UNC13C: variants seen among roughly 807,000 people sequenced by gnomAD.
UNC13C encodes unc-13 homolog C.
In UNC13C, 174 loss-of-function variants were observed where a neutral mutation model predicts 245.4. The observed-to-expected ratio is 0.71, with a 90% CI of 0.63 to 0.80. UNC13C has a LOEUF of 0.80. UNC13C is among the 30% of genes least tolerant of loss of function. The probability of loss-of-function intolerance (pLI) is 0.00; values close to 1 mark genes in which losing one functional copy is unlikely to be tolerated. For synonymous variants in UNC13C, 992 were observed against 895.1 expected (o/e 1.11, Z -1.93); for missense variants, 2,829 against 2,602.9 (o/e 1.09, Z -1.89).
At chr15:54,294,486 C>T (rs895502670) in intron 11 of UNC13C, among the ~76,000 whole-genome samples, 5 of 151,990 alleles carry the variant, frequency 3.3e-5, no homozygotes, top group South Asian at 2.1e-4. Context: ...TTTCAAATGA[C>T]GGTATAACAG....
intron 30 of UNC13C, among the ~76,000 whole-genome samples, chr15:54,582,445 A>G (rs1898242059): frequency 6.6e-6 from 1 of 152,200 alleles, no homozygotes; most frequent in African/African-American, 2.4e-5. Context: ...TTCTGCAGCT[A>G]AATTCAGGAG....
chr15:53,899,369 C>G, the UNC13C span, among the ~76,000 whole-genome samples: 31,498 of 152,174 alleles, frequency 0.21, 3,485 homozygotes, highest in Non-Finnish European at 0.24. Flanking sequence ...CTCTTTGTCT[C>G]AAATCGCTTC....
intron 30 of UNC13C, among the ~76,000 whole-genome samples, chr15:54,613,567 A>G (rs1900241059): frequency 6.6e-6 from 1 of 151,952 alleles, no homozygotes; most frequent in Admixed American, 6.6e-5. Flanking sequence ...CCATAAACCG[A>G]GTATAAAGAC....
chr15:54,214,052 T>C (rs780949092), intron 4 of UNC13C, among the ~76,000 whole-genome samples: 3 of 152,040 alleles, frequency 2.0e-5, no homozygotes, highest in Non-Finnish European at 2.9e-5. Flanking sequence ...CCTGTGTGGA[T>C]CAATTGGAAT....
chr15:54,234,065 A>G (rs1596054859), intron 4 of UNC13C, among the ~76,000 whole-genome samples: 2 of 152,194 alleles, frequency 1.3e-5, no homozygotes. Flanking sequence ...GCAAAATAAT[A>G]CATGCCTATT....
intron 4 of UNC13C, among the ~76,000 whole-genome samples, chr15:54,176,879 A>T (rs1408474948): frequency 6.6e-6 from 1 of 152,144 alleles, no homozygotes; most frequent in African/African-American, 2.4e-5. Context: ...CTATAAAAGA[A>T]ACATAAATGC....
chr15:54,415,254 T>G (rs955213219), intron 19 of UNC13C, among the ~76,000 whole-genome samples, 187 bp downstream of exon 19: 3 of 152,100 alleles, frequency 2.0e-5, no homozygotes, highest in Non-Finnish European at 1.5e-5. Flanking sequence ...CCTAAAGAAG[T>G]ATATACATTT....
intron 17 of UNC13C, among the ~76,000 whole-genome samples, chr15:54,352,457 G>T (rs368309174): frequency 1.1e-4 from 17 of 151,024 alleles, no homozygotes; most frequent in Admixed American, 1.1e-3. Flanking sequence ...AAATGGTGTT[G>T]CATTAATGAA....
chr15:54,378,048 T>TA (rs1188119192), intron 17 of UNC13C, among the ~76,000 whole-genome samples: 1 of 152,170 alleles, frequency 6.6e-6, no homozygotes, highest in Non-Finnish European at 1.5e-5. Flanking sequence ...GTGATGTTTT[T>TA]ATATGTAGAT....
downstream of UNC13C, chr15:54,633,375 A>C (rs921024641): frequency 1.3e-5 from 2 of 152,212 alleles, no homozygotes; most frequent in African/African-American, 4.8e-5. Flanking sequence ...GTATGTGTAC[A>C]AGAGTATAAA....
the UNC13C span, among the ~76,000 whole-genome samples, chr15:53,842,726 A>G: frequency 8.5e-5 from 13 of 152,234 alleles, no homozygotes; most frequent in South Asian, 2.1e-3. Flanking sequence ...TAGAAATTGT[A>G]TAGTTTGACA....
intron 10 of UNC13C, among the ~76,000 whole-genome samples, chr15:54,292,116 C>A (rs1339674493): frequency 6.6e-6 from 1 of 151,914 alleles, no homozygotes. Flanking sequence ...GGAAAGGAAG[C>A]CTTGGTGAAG....
At chr15:54,566,464 T>C (rs1268950552) in intron 29 of UNC13C, among the ~76,000 whole-genome samples, 1 of 152,104 alleles carries the variant, frequency 6.6e-6, no homozygotes, top group East Asian at 1.9e-4. Context: ...TTTCTGTGCC[T>C]CCTTTTCATA....
chr15:53,932,338 C>A, the UNC13C span, among the ~76,000 whole-genome samples: 4 of 40,472 alleles, frequency 9.9e-5, no homozygotes, highest in South Asian at 6.3e-4. Flanking sequence ...ACAACAACAA[C>A]AACAAACAGT....
At chr15:54,269,343 C>G (rs946146237) in intron 10 of UNC13C, among the ~76,000 whole-genome samples, 7 of 151,940 alleles carry the variant, frequency 4.6e-5, no homozygotes, top group African/African-American at 1.7e-4. Flanking sequence ...CTGTTAATCC[C>G]TCTTGACTAG....
the UNC13C span, among the ~76,000 whole-genome samples, chr15:53,891,672 AG>A: frequency 1.3e-5 from 2 of 152,118 alleles, no homozygotes. Context: ...ATCTGAGATT[AG>A]GATTGCAACT....
In UNC13C at chr15:54,125,230, A is replaced by C. The variant is rs375264082; in HGVS notation, c.2984-17788A>C. 7.9e-5 allele frequency among the ~76,000 whole-genome samples: 12 copies of C among 152,264 alleles called. 1 individual carries two copies. The highest frequency in any genetic ancestry group is 7.2e-4 in the Admixed American group (11 of 15,290). ...TGTAATTCTAGCACTTTGAGAGGCC[A>C]TGGCAGGTGGATCGTGAGGTCAGGC... On this transcript the variant is annotated intron_variant, in intron 2 of 32. Transcript: ENST00000260323.
Position 54,529,754 on chromosome 15 carries a change from T to C in UNC13C, c.5547-3163T>C, listed in dbSNP as rs1376760034. On this transcript the variant is annotated intron_variant, in intron 25 of 32. Coordinates refer to ENST00000260323, the MANE Select transcript of UNC13C (RefSeq NM_001080534.3). ...AGGAGAGGAGTGGGAATGACTTGAC[T>C]GCAATACTAAAATGAATTCCCTCCT... Among the ~76,000 whole-genome samples the C allele has an allele frequency of 4.6e-5, 7 of 152,310 alleles. No homozygotes were observed. In the East Asian group the frequency reaches 1.3e-3, roughly 29 times the overall value.
intron 4 of UNC13C, among the ~76,000 whole-genome samples, chr15:54,213,708 A>C (rs2140757219): frequency 6.6e-6 from 1 of 152,198 alleles, no homozygotes; most frequent in South Asian, 2.1e-4. Context: ...GTAAGCATAA[A>C]GCACTGAATT....
Sources: gnomAD v4.1 joint callset for allele counts (sites outside exome capture counted in the v4.1 genomes callset) on GRCh38, gnomAD v4.1.1 for gene constraint, MANE v1.5 for transcripts, NCBI Gene and HGNC (gene_info 2026-07-23, HGNC 2026-07-21) for gene names.